B9D1: variants seen among roughly 807,000 people sequenced by gnomAD.
B9D1 encodes B9 domain-containing protein 1.
In B9D1, 20 loss-of-function variants were observed where a neutral mutation model predicts 26.1. That is an observed-to-expected ratio of 0.77 (90% CI 0.54 to 1.12). The LOEUF is 1.12. Among genes scored for constraint, B9D1 ranks in the 50% most tolerant of loss-of-function variants. The pLI is 0.00. For synonymous variants in B9D1, 105 were observed against 103.1 expected (o/e 1.02, Z -0.11); for missense variants, 260 against 273.7 (o/e 0.95, Z 0.35).
downstream of B9D1, among the ~76,000 whole-genome samples, chr17:19,337,904 G>A (rs1399309579): frequency 6.6e-6 from 1 of 152,162 alleles, no homozygotes; most frequent in Admixed American, 6.5e-5. Context: ...CTTCCTTAGT[G>A]GTGGAGGGTG....
chr17:19,353,604 G>A (rs1909954898), intron 3 of B9D1, among the ~76,000 whole-genome samples: 1 of 151,634 alleles, frequency 6.6e-6, no homozygotes, highest in Non-Finnish European at 1.5e-5. Context: ...GCCCGCCATT[G>A]CACTCCAGCC....
intron 3 of B9D1, among the ~76,000 whole-genome samples, chr17:19,355,839 A>C (rs1910277021): frequency 6.6e-6 from 1 of 152,128 alleles, no homozygotes; most frequent in Non-Finnish European, 1.5e-5. Flanking sequence ...GTCTCAAAAA[A>C]AAAAGTCAGG....
upstream of B9D1, among the ~76,000 whole-genome samples, chr17:19,364,167 T>C (rs1287313845): frequency 1.3e-5 from 2 of 150,576 alleles, no homozygotes; most frequent in African/African-American, 4.8e-5. This position sits in a 1 kb window ranked among gnomAD's most constrained non-coding sequence, Gnocchi z 4.3. Context: ...GGGCTCCCAG[T>C]AGTTTAAGAC....
At chr17:19,342,276 G>A (rs113451068), downstream of B9D1, among the ~76,000 whole-genome samples, 1,121 of 152,272 alleles carry the variant, frequency 7.4e-3, 18 homozygotes, top group African/African-American at 0.026. Context: ...ATGAGTTTCA[G>A]AACGCACAGT....
intron 3 of B9D1, among the ~76,000 whole-genome samples, chr17:19,350,557 A>T (rs1005377164): frequency 6.6e-6 from 1 of 151,850 alleles, no homozygotes. Context: ...ATAAAAACAA[A>T]AACAAAAACA....
At chr17:19,362,802 T>G (rs980884403), upstream of B9D1, 5 of 1,293,716 alleles carry the variant, frequency 3.9e-6, no homozygotes, top group Non-Finnish European at 5.3e-6. Flanking sequence ...CCACCCCTCC[T>G]TAGGGCAGGT....
At chr17:19,340,373 T>C (rs899907278), downstream of B9D1, among the ~76,000 whole-genome samples, 3 of 148,618 alleles carry the variant, frequency 2.0e-5, no homozygotes, top group African/African-American at 7.4e-5. Flanking sequence ...GGTTTCACCA[T>C]GTTGGCCAGG....
At chr17:19,363,447 A>AAATG (rs542161855), upstream of B9D1, among the ~76,000 whole-genome samples, 201 of 152,314 alleles carry the variant, frequency 1.3e-3, 1 homozygote, top group Non-Finnish European at 2.2e-3. Flanking sequence ...ACTTGTTGAT[A>AAATG]AATGAATAAT....
chr17:19,373,809 G>A (rs1261457509), intron 1 of B9D1, among the ~76,000 whole-genome samples: 1 of 152,176 alleles, frequency 6.6e-6, no homozygotes, highest in African/African-American at 2.4e-5. Context: ...TTACAGGCGT[G>A]AGTCACCGCA....
At chr17:19,341,058 T>G (rs888035373), downstream of B9D1, 79 of 1,119,912 alleles carry the variant, frequency 7.1e-5, no homozygotes, top group African/African-American at 4.7e-4. Flanking sequence ...GTATGTGGTG[T>G]TCACTGTAAA....
In B9D1 at chr17:19,352,543, C is replaced by T. The variant is rs1174982620; in HGVS notation, c.245-4663G>A. ...TTTTTTTTTTTTTTTTTTTTTGAGA[C>T]GGAGTTTCGCTCTTGTTGCCCAGGC... On this transcript the variant is annotated intron_variant, in intron 3 of 6. Transcript: ENST00000261499. Among the ~76,000 whole-genome samples, 4 of 112,896 alleles carry T rather than the reference C, an allele frequency of 3.5e-5. No individual in the cohort carries two copies. In the East Asian group the frequency reaches 1.2e-3, roughly 33 times the overall value. 74.1% of individuals were successfully genotyped at this position (112,896 alleles called of 152,430 possible).
intron 3 of B9D1, among the ~76,000 whole-genome samples, chr17:19,351,202 C>T (rs1328934026): frequency 6.6e-6 from 1 of 152,066 alleles, no homozygotes. Flanking sequence ...TGCTACGTTG[C>T]CCAGGTTAGT....
downstream of B9D1, among the ~76,000 whole-genome samples, chr17:19,340,444 A>G (rs1376338298): frequency 4.1e-5 from 1 of 24,394 alleles, no homozygotes; most frequent in Non-Finnish European, 7.1e-5. Flanking sequence ...AAGTGCTGGG[A>G]TTACAGGCGT....
downstream of B9D1, among the ~76,000 whole-genome samples, chr17:19,342,444 C>T (rs1302052387): frequency 1.3e-5 from 2 of 152,068 alleles, no homozygotes; most frequent in East Asian, 1.9e-4. Context: ...TCTTGGATCC[C>T]GCTGAGGGCA....
downstream of B9D1, chr17:19,335,556 T>G: frequency 7.6e-7 from 1 of 1,320,534 alleles, no homozygotes. Context: ...CCCGAGGGCG[T>G]GGGGTGGGGG....
upstream of B9D1, among the ~76,000 whole-genome samples, chr17:19,363,399 TA>T (rs1911378686): frequency 1.3e-5 from 2 of 152,248 alleles, no homozygotes; most frequent in Non-Finnish European, 2.9e-5. Context: ...TCTTGTATCT[TA>T]GTGGCCTGTC....
intron 5 of B9D1, among the ~76,000 whole-genome samples, chr17:19,345,504 G>A (rs1018943019): frequency 6.6e-6 from 1 of 152,176 alleles, no homozygotes; most frequent in East Asian, 1.9e-4. Context: ...ATTAGGCTAA[G>A]GATCTTGAGG....
chr17:19,377,786 C>T lies in B9D1; in HGVS notation c.-298+73G>A, dbSNP rs965513724. ...CCGCAGAGGAGCAGAGGTTGGGCGG[C>T]CGCCTCGGTTAACTCCGCTGCAGCC... On this transcript the variant is annotated intron_variant, in intron 1 of 5. Transcript: ENST00000477478. The T allele has an allele frequency of 5.1e-6, 5 of 974,122 alleles. No homozygotes were observed. In the African/African-American group the frequency reaches 8.8e-5, roughly 17 times the overall value. 60.3% of individuals were successfully genotyped at this position (974,122 alleles called of 1,614,324 possible). A position where few individuals can be genotyped will look rare whatever the true frequency, so the allele number is the denominator to read the frequency against.
intron 1 of B9D1, among the ~76,000 whole-genome samples, chr17:19,377,065 T>C (rs1329937998): frequency 6.6e-6 from 1 of 152,232 alleles, no homozygotes; most frequent in African/African-American, 2.4e-5. Context: ...AATGTCAATC[T>C]TGCATGTATT....
Sources: allele counts gnomAD v4.1 joint callset (sites outside exome capture counted in the v4.1 genomes callset), GRCh38; gene constraint gnomAD v4.1.1; non-coding constraint Gnocchi (gnomAD v3.1); transcripts MANE v1.5; gene names NCBI Gene and HGNC (gene_info 2026-07-23, HGNC 2026-07-21).